The following ACAP2 variants were observed in gnomAD, a reference collection of about 807,000 sequenced individuals.
ACAP2 encodes arf-GAP with coiled-coil, ANK repeat and PH domain-containing protein 2.
Under a neutral mutation model 115.8 loss-of-function variants are expected in ACAP2, and 39 were observed. The observed-to-expected ratio is 0.34, with a 90% CI of 0.26 to 0.44. The LOEUF is 0.44. Among genes scored for constraint, ACAP2 ranks in the 20% least tolerant of loss-of-function variants. ACAP2 has a pLI of 1.00. For synonymous variants in ACAP2, 289 were observed against 315.8 expected (o/e 0.92, Z 0.90); for missense variants, 662 against 927.6 (o/e 0.71, Z 3.72).
intron 3 of ACAP2, among the ~76,000 whole-genome samples, chr3:195,381,484 G>C (rs929420977): frequency 3.3e-5 from 5 of 152,108 alleles, no homozygotes; most frequent in Non-Finnish European, 4.4e-5. Context: ...AGCTAACCGA[G>C]CATAAGCTGG....
At chr3:195,343,505 A>G (rs921641368) in intron 5 of ACAP2, among the ~76,000 whole-genome samples, 2 of 152,234 alleles carry the variant, frequency 1.3e-5, no homozygotes, top group Non-Finnish European at 2.9e-5. Context: ...AGCTCACTGC[A>G]GCCTTAAAGT....
In ACAP2 at chr3:195,278,645, T is replaced by C. The variant is rs1726288683; in HGVS notation, c.*683A>G. 6.6e-6 allele frequency: 1 copy of C among 152,078 alleles called. No homozygotes were observed. Among genetic ancestry groups the C allele is most frequent in the Admixed American group, 6.5e-5 (1 of 15,272 alleles). The allele number at this position is 152,078 out of a possible 1,614,324, so 9.4% of individuals were successfully genotyped here. ...ATTAAAAAAAAAAAAGAGCTTCTTTTTGCTGCATAAAATAAATCTAAAGGA... is the reference window on the plus strand; with the variant it reads ...ATTAAAAAAAAAAAAGAGCTTCTTTCTGCTGCATAAAATAAATCTAAAGGA... On this transcript the variant is annotated 3_prime_UTR_variant, in exon 23 of 23. Coordinates refer to ENST00000326793, the MANE Select transcript of ACAP2 (RefSeq NM_012287.6).
At chr3:195,297,510 C>G (rs1172459066) in intron 15 of ACAP2, among the ~76,000 whole-genome samples, 2 of 152,148 alleles carry the variant, frequency 1.3e-5, no homozygotes, top group African/African-American at 4.8e-5. Flanking sequence ...GATTATCACC[C>G]CCACCAGAGT....
intron 6 of ACAP2, among the ~76,000 whole-genome samples, chr3:195,341,112 C>T (rs1730836481): frequency 6.6e-6 from 1 of 151,962 alleles, no homozygotes; most frequent in Non-Finnish European, 1.5e-5. Flanking sequence ...AAGGTAATTC[C>T]CTAAGCATTA....
At chr3:195,286,511 C>T (rs1726856036) in intron 21 of ACAP2, among the ~76,000 whole-genome samples, 1 of 152,222 alleles carries the variant, frequency 6.6e-6, no homozygotes, top group Non-Finnish European at 1.5e-5. Context: ...GTACCCCTCT[C>T]CTACTCTGTA....
intron 10 of ACAP2, among the ~76,000 whole-genome samples, chr3:195,310,556 T>C (rs369255020): frequency 1.3e-5 from 2 of 152,238 alleles, no homozygotes; most frequent in Non-Finnish European, 2.9e-5. Context: ...TTTTATATCA[T>C]AGTAAATTCT....
At chr3:195,333,391 A>G (rs1195848389) in intron 7 of ACAP2, among the ~76,000 whole-genome samples, 1 of 151,998 alleles carries the variant, frequency 6.6e-6, no homozygotes, top group Non-Finnish European at 1.5e-5. Flanking sequence ...TGTAGAGACA[A>G]AGTCTCGCCA....
At chr3:195,383,548 C>G (rs1577391540) in intron 2 of ACAP2, among the ~76,000 whole-genome samples, 1 of 148,922 alleles carries the variant, frequency 6.7e-6, no homozygotes, top group African/African-American at 2.5e-5. Context: ...AAAACAGAAT[C>G]AGAAATCAAA....
intron 1 of ACAP2, among the ~76,000 whole-genome samples, chr3:195,439,914 A>G (rs953065903): frequency 3.3e-5 from 5 of 152,224 alleles, no homozygotes; most frequent in Non-Finnish European, 7.3e-5. Flanking sequence ...GATGTGAGCC[A>G]CAGTGTTCAG....
intron 10 of ACAP2, among the ~76,000 whole-genome samples, chr3:195,313,506 T>G (rs12489090): frequency 6.6e-6 from 1 of 152,218 alleles, no homozygotes; most frequent in Admixed American, 6.5e-5. Context: ...TTCTCCCAAT[T>G]GCCCATCCCG....
chr3:195,335,206 C>G (rs963154504), intron 7 of ACAP2, among the ~76,000 whole-genome samples: 1 of 152,102 alleles, frequency 6.6e-6, no homozygotes, highest in Non-Finnish European at 1.5e-5. Context: ...TATAATAGCA[C>G]AGTTGAATAA....
chr3:195,338,732 T>C (rs1345609512), intron 6 of ACAP2, among the ~76,000 whole-genome samples: 1 of 152,214 alleles, frequency 6.6e-6, no homozygotes, highest in Non-Finnish European at 1.5e-5. Flanking sequence ...ACAAACATTT[T>C]ATTTTTGTCT....
At chr3:195,304,646 G>A (rs1355667842) in intron 13 of ACAP2, among the ~76,000 whole-genome samples, 1 of 152,210 alleles carries the variant, frequency 6.6e-6, no homozygotes, top group East Asian at 1.9e-4. Flanking sequence ...AGGATTAAAT[G>A]AACATATACA....
intron 15 of ACAP2, among the ~76,000 whole-genome samples, chr3:195,301,135 G>T (rs1025174474): frequency 5.3e-5 from 8 of 151,588 alleles, no homozygotes; most frequent in Non-Finnish European, 8.8e-5. Flanking sequence ...ACCCAGGCTG[G>T]AGTGCAGTGG....
intron 4 of ACAP2, among the ~76,000 whole-genome samples, chr3:195,354,919 A>G (rs931523037): frequency 3.9e-5 from 6 of 152,208 alleles, no homozygotes; most frequent in Non-Finnish European, 7.3e-5. Flanking sequence ...GCTGGAGTGC[A>G]ATGGCATGAT....
chr3:195,432,673 T>C (rs1715226617), intron 1 of ACAP2, among the ~76,000 whole-genome samples: 1 of 152,256 alleles, frequency 6.6e-6, no homozygotes, highest in Non-Finnish European at 1.5e-5. Context: ...TCTGGGTTAC[T>C]TATATTTCCA....
chr3:195,299,131 A>G (rs1727853187), intron 15 of ACAP2, among the ~76,000 whole-genome samples: 1 of 152,240 alleles, frequency 6.6e-6, no homozygotes, highest in Non-Finnish European at 1.5e-5. Flanking sequence ...CTGCACTGGT[A>G]CTGTGAGACA....
chr3:195,442,564 G>T (rs962325943), intron 1 of ACAP2, among the ~76,000 whole-genome samples: 1 of 152,174 alleles, frequency 6.6e-6, no homozygotes, highest in Non-Finnish European at 1.5e-5. Flanking sequence ...CCGGCAGAGG[G>T]CAAGGAAAGA....
Position 195,435,131 on chromosome 3 carries a change from C to A in ACAP2, c.53+7664G>T, listed in dbSNP as rs142706021. On this transcript the variant is annotated intron_variant, in intron 1 of 22. Coordinates refer to ENST00000326793, the MANE Select transcript of ACAP2 (RefSeq NM_012287.6). Reference sequence around the variant, plus strand: ...CTTTCGCTGCTTTGAGATTTGCTTACTCTTCTTTTTCTAGTTTGCTGGGGT... The same window carrying A: ...CTTTCGCTGCTTTGAGATTTGCTTAATCTTCTTTTTCTAGTTTGCTGGGGT... Among the ~76,000 whole-genome samples, 428 of 148,084 alleles carry A rather than the reference C, an allele frequency of 2.9e-3. 8 individuals are homozygous for A. The highest frequency in any genetic ancestry group is 0.01 in the Middle Eastern group (3 of 290).
Sources: gnomAD v4.1 joint callset for allele counts (sites outside exome capture counted in the v4.1 genomes callset) on GRCh38, gnomAD v4.1.1 for gene constraint, MANE v1.5 for transcripts, NCBI Gene and HGNC (gene_info 2026-07-23, HGNC 2026-07-21) for gene names.